The following LEPR variants were observed in gnomAD, a reference collection of about 807,000 sequenced individuals.
LEPR encodes the protein leptin receptor.
Under a neutral mutation model 114.7 loss-of-function variants are expected in LEPR, and 56 were observed. That is an observed-to-expected ratio of 0.49 (90% CI 0.39 to 0.61). The LOEUF is 0.61. Among genes scored for constraint, LEPR ranks in the 20% least tolerant of loss-of-function variants. LEPR has a pLI of 0.00. For missense variants in LEPR, 1,202 were observed against 1,352.9 expected (o/e 0.89, Z 1.75); for synonymous variants, 443 against 461.4 (o/e 0.96, Z 0.51).
chr1:65,633,970 A>G lies in LEPR; in HGVS notation c.2674-2221A>G, dbSNP rs1658621344. 5 of 985,254 alleles carry G rather than the reference A, an allele frequency of 5.1e-6. No homozygotes were observed. The South Asian group carries it at 1.9e-4, about 37-fold the overall frequency. The allele number at this position is 985,254 out of a possible 1,614,324, so 61.0% of individuals were successfully genotyped here. A position where few individuals can be genotyped will look rare whatever the true frequency, so the allele number is the denominator to read the frequency against. ...AGCTTTCTTGTTTAATTATGACCTA[A>G]ATCTAATTTACTTCCACTGAACCAT... On this transcript the variant is annotated intron_variant, in intron 19 of 19. Coordinates refer to ENST00000349533, the MANE Select transcript of LEPR (RefSeq NM_002303.6). This position sits in a 1 kb window ranked among gnomAD's most constrained non-coding sequence, Gnocchi z 4.1.
intron 2 of LEPR, among the ~76,000 whole-genome samples, chr1:65,447,013 G>A (rs1646721986): frequency 6.6e-6 from 1 of 151,864 alleles, no homozygotes; most frequent in African/African-American, 2.4e-5. Flanking sequence ...TGTATTGTGT[G>A]TAGAGACAGG....
At chr1:65,435,600 C>G in intron 2 of LEPR, 3 of 691,324 alleles carry the variant, frequency 4.3e-6, no homozygotes, top group Non-Finnish European at 5.3e-6. Flanking sequence ...ATCTCCTGAC[C>G]TCATGATCCG....
intron 2 of LEPR, among the ~76,000 whole-genome samples, chr1:65,448,599 A>G (rs1425163241): frequency 6.6e-6 from 1 of 152,086 alleles, no homozygotes; most frequent in Non-Finnish European, 1.5e-5. Flanking sequence ...AGTTGGTATA[A>G]TTTCTTCCTT....
intron 14 of LEPR, among the ~76,000 whole-genome samples, chr1:65,614,680 C>A (rs527846503): frequency 2.6e-5 from 4 of 152,242 alleles, no homozygotes; most frequent in African/African-American, 9.6e-5. Flanking sequence ...ACAGGATGAT[C>A]CATGTGGCAA....
At chr1:65,428,288 T>A (rs1335529414) in intron 2 of LEPR, among the ~76,000 whole-genome samples, 1 of 152,160 alleles carries the variant, frequency 6.6e-6, no homozygotes, top group Non-Finnish European at 1.5e-5. Context: ...AAACATAGAG[T>A]CAGATTGTTT....
At chr1:65,444,173 G>C (rs1646684659) in intron 2 of LEPR, among the ~76,000 whole-genome samples, 1 of 134,438 alleles carries the variant, frequency 7.4e-6, no homozygotes, top group Non-Finnish European at 1.6e-5. Flanking sequence ...TGATCTCATT[G>C]TTCAATTCCC....
chr1:65,424,747 C>G (rs2101678275), intron 1 of LEPR, among the ~76,000 whole-genome samples: 1 of 152,312 alleles, frequency 6.6e-6, no homozygotes, highest in South Asian at 2.1e-4. Flanking sequence ...TTTCTGCTCT[C>G]ACATTGGAGA....
intron 1 of LEPR, chr1:65,421,358 T>G (rs1474721691): frequency 6.5e-6 from 10 of 1,535,852 alleles, no homozygotes; most frequent in African/African-American, 1.4e-5. Context: ...TAGTATGTGT[T>G]TTTTGCATGG....
chr1:65,622,418 G>GT (rs1657942874), intron 18 of LEPR, among the ~76,000 whole-genome samples: 1 of 150,502 alleles, frequency 6.6e-6, no homozygotes, highest in Non-Finnish European at 1.5e-5. Context: ...TCCGTGGATG[G>GT]TGGCATGGGT....
intron 2 of LEPR, among the ~76,000 whole-genome samples, chr1:65,466,716 G>A (rs894448401): frequency 5.9e-5 from 9 of 152,102 alleles, no homozygotes; most frequent in African/African-American, 1.9e-4. Flanking sequence ...TGGAGGCTTT[G>A]TTCATTTCTT....
intron 2 of LEPR, among the ~76,000 whole-genome samples, chr1:65,439,877 C>T (rs887510908): frequency 6.8e-6 from 1 of 147,636 alleles, no homozygotes; most frequent in African/African-American, 2.5e-5. Context: ...TGCCTGTAAT[C>T]CCAGCTCCTA....
chr1:65,592,903 C>T (rs751905564), intron 6 of LEPR, 38 bp downstream of exon 6: 9 of 1,605,010 alleles, frequency 5.6e-6, no homozygotes, highest in African/African-American at 2.7e-5. Context: ...TAGGTCTAAA[C>T]ATCAGTCATA....
intron 2 of LEPR, among the ~76,000 whole-genome samples, chr1:65,549,402 G>T (rs963933331): frequency 4.6e-5 from 7 of 152,162 alleles, no homozygotes; most frequent in African/African-American, 1.4e-4. Flanking sequence ...CCTGCAGAGT[G>T]TTTTCCAACT....
At chr1:65,529,906 A>G (rs1051850609) in intron 2 of LEPR, among the ~76,000 whole-genome samples, 3 of 152,038 alleles carry the variant, frequency 2.0e-5, no homozygotes, top group Admixed American at 2.0e-4. Flanking sequence ...TAGAGGTTTT[A>G]ACCTTGGAAT....
At chr1:65,606,860 C>A (rs17127767) in intron 11 of LEPR, among the ~76,000 whole-genome samples, 26,625 of 151,900 alleles carry the variant, frequency 0.18, 2,492 homozygotes, top group Middle Eastern at 0.25. Flanking sequence ...CTTTACATGA[C>A]GGAAAAAGTT....
chr1:65,568,131 C>T (rs935627917), intron 3 of LEPR, among the ~76,000 whole-genome samples: 2 of 152,048 alleles, frequency 1.3e-5, no homozygotes, highest in Non-Finnish European at 2.9e-5. Flanking sequence ...CATAGTTGTG[C>T]GTTTTATAGA....
intron 5 of LEPR, among the ~76,000 whole-genome samples, chr1:65,573,535 T>C (rs2100818761): frequency 6.6e-6 from 1 of 152,334 alleles, no homozygotes; most frequent in Non-Finnish European, 1.5e-5. Context: ...AAACAGCGAA[T>C]ATGTCATTAA....
intron 2 of LEPR, among the ~76,000 whole-genome samples, chr1:65,489,582 G>A (rs1647758456): frequency 1.3e-5 from 2 of 152,042 alleles, no homozygotes; most frequent in African/African-American, 2.4e-5. Context: ...ACTTCACTTT[G>A]TTGTTTCTCT....
chr1:65,619,965 T>C lies in LEPR; in HGVS notation c.2433T>C (p.Leu811=), dbSNP rs1390478626. Reference sequence around the variant, plus strand: ...CCATTGAGAAGTACCAGTTCAGTCTTTACCCAATATTTATGGAAGGAGTGG... The same window carrying C: ...CCATTGAGAAGTACCAGTTCAGTCTCTACCCAATATTTATGGAAGGAGTGG... ...FIPIEKYQFS[L]YPIFMEGVGK... The change falls in exon 17 of 20, where the codon CTT becomes CTC. Residue 811 remains leucine, a synonymous_variant. Transcript: ENST00000349533. 1 of 1,612,348 alleles carries C rather than the reference T, an allele frequency of 6.2e-7. No homozygotes were observed. The highest frequency in any genetic ancestry group is 1.7e-5 in the Admixed American group (1 of 59,970).
Sources: gnomAD v4.1 joint callset for allele counts (sites outside exome capture counted in the v4.1 genomes callset) on GRCh38, gnomAD v4.1.1 for gene constraint, Gnocchi (gnomAD v3.1) non-coding constraint, MANE v1.5 for transcripts, NCBI Gene and HGNC (gene_info 2026-07-23, HGNC 2026-07-21) for gene names.